The following ACSM2B variants were observed in gnomAD, a reference collection of about 807,000 sequenced individuals.
The protein encoded by ACSM2B is acyl-CoA synthetase medium chain family member 2B.
A neutral mutation model predicts 78.6 loss-of-function variants in ACSM2B; 58 were observed. The observed-to-expected ratio is 0.74, with a 90% CI of 0.60 to 0.92. ACSM2B has a LOEUF of 0.92. Among genes scored for constraint, ACSM2B ranks in the 40% least tolerant of loss-of-function variants. The pLI, the probability that ACSM2B is intolerant of heterozygous loss-of-function variation, is 0.00. For synonymous variants in ACSM2B, 257 were observed against 256.8 expected (o/e 1.00, Z -0.01); for missense variants, 688 against 711.2 (o/e 0.97, Z 0.37).
chr16:20,556,366 C>T (rs1567212621), intron 3 of ACSM2B, among the ~76,000 whole-genome samples: 1 of 152,178 alleles, frequency 6.6e-6, no homozygotes, highest in East Asian at 1.9e-4. Context: ...CTTTTGGAGG[C>T]CAAGGAGGGC....
chr16:20,537,489 A>G, intron 13 of ACSM2B, 127 bp from the exon 14 acceptor site: 6 of 992,224 alleles, frequency 6.0e-6, no homozygotes, highest in South Asian at 1.5e-5. Context: ...CGCCCTGTGC[A>G]ATAAGAAGCT....
rs182833074 is a variant in ACSM2B, at chr16:20,540,637, G to A, written c.1629+17C>T. The A allele has an allele frequency of 3.1e-6, 5 of 1,611,952 alleles. No homozygotes were observed. Among genetic ancestry groups the A allele is most frequent in the Non-Finnish European group, 4.2e-6 (5 of 1,178,800 alleles). ...TATTTCTCAAGTTTGAGTGACTTGG[G>A]AGCTCAAAGGCCTTACCTTTCTTGG... On this transcript the variant is annotated intron_variant, in intron 13 of 13. Coordinates refer to ENST00000329697, the MANE Select transcript of ACSM2B (RefSeq NM_001105069.2).
At chr16:20,570,923 C>A (rs905698868) in intron 1 of ACSM2B, among the ~76,000 whole-genome samples, 19 of 151,542 alleles carry the variant, frequency 1.3e-4, no homozygotes, top group Non-Finnish European at 2.8e-4. Context: ...TAATATCTCC[C>A]ATTTCCTTTC....
chr16:20,547,621 G>A (rs1241637171), intron 8 of ACSM2B: 1 of 1,004,180 alleles, frequency 1.0e-6, no homozygotes, highest in Admixed American at 5.2e-5. Context: ...GCCATGGTGG[G>A]TTCTTCTTCC....
rs1240845190 is a variant in ACSM2B at position 20,546,447 on chromosome 16, T to C, written c.1126A>G (p.Met376Val). ...TGLTCMVSKTMKIKPGYMGTA... is the reference protein window; with the variant it reads ...TGLTCMVSKTVKIKPGYMGTA... The stretch of plus-strand genomic sequence containing the variant: ...CCCATGTATCCTGGTTTGATTTTCA[T>C]TGTCTTGGAAACCATGCAAGTTAAT... Residue 376 changes from methionine to valine, a missense_variant, in exon 9 of 14, where the codon ATG (methionine) becomes GTG (valine). Physicochemically the swap from Met to Val is conservative, Grantham distance 21. Coordinates refer to ENST00000329697, the MANE Select transcript of ACSM2B (RefSeq NM_001105069.2). 7.5e-6 allele frequency: 12 copies of C among 1,609,468 alleles called. No individual in the cohort carries two copies. The highest frequency in any genetic ancestry group is 2.2e-5 in the East Asian group (1 of 44,810).
chr16:20,564,935 C>T, intron 1 of ACSM2B, 82 bp from the exon 2 acceptor site: 1 of 1,510,236 alleles, frequency 6.6e-7, no homozygotes, highest in Non-Finnish European at 8.8e-7. Context: ...GGAGATTCAT[C>T]CCAACCTTAT....
chr16:20,545,068 T>G, intron 10 of ACSM2B, 89 bp downstream of exon 10: 1 of 1,455,186 alleles, frequency 6.9e-7, no homozygotes. Context: ...TAATGCCTCT[T>G]GGAAGTTTCA....
intron 1 of ACSM2B, among the ~76,000 whole-genome samples, chr16:20,566,716 T>TACTATATATACTATATAC (rs1208546372): frequency 8.0e-5 from 2 of 24,882 alleles, no homozygotes; most frequent in African/African-American, 5.9e-4. Flanking sequence ...ATAGTATATA[T>TACTATATATACTATATAC]AGTATATACT....
chr16:20,540,976 T>C, intron 12 of ACSM2B: 1 of 623,028 alleles, frequency 1.6e-6, no homozygotes, highest in Non-Finnish European at 2.5e-6. Flanking sequence ...GAGGAGCAGG[T>C]GGACAATAGA....
intron 1 of ACSM2B, among the ~76,000 whole-genome samples, chr16:20,567,266 TATAATATATAATATGTAGC>T (rs1191862761): frequency 3.2e-5 from 4 of 126,848 alleles, no homozygotes; most frequent in South Asian, 4.4e-4. Context: ...TAATATATAG[TATAATATATAATATGTAGC>T]ATAATATATA....
intron 9 of ACSM2B, 46 bp from the exon 10 acceptor site, chr16:20,545,304 T>C: frequency 2.5e-6 from 4 of 1,585,246 alleles, no homozygotes; most frequent in East Asian, 2.3e-5. Context: ...CAGCAGGAGA[T>C]GGCTTCAATG....
Position 20,537,182 on chromosome 16 carries a change from C to T in ACSM2B, c.*76G>A. The T allele has an allele frequency of 6.5e-7, 1 of 1,537,772 alleles. No individual in the cohort carries two copies. Among genetic ancestry groups the T allele is most frequent in the East Asian group, 2.3e-5 (1 of 44,280 alleles). On this transcript the variant is annotated 3_prime_UTR_variant, in exon 14 of 14. Transcript: ENST00000329697. Reference sequence around the variant, plus strand: ...TCTTTCATAAAGAATCTCATATCATCATAGTAAGGCCAAGGGCCCAAAGGG... The same window carrying T: ...TCTTTCATAAAGAATCTCATATCATTATAGTAAGGCCAAGGGCCCAAAGGG...
chr16:20,543,487 C>G (rs1421960352), intron 10 of ACSM2B, among the ~76,000 whole-genome samples: 1 of 152,234 alleles, frequency 6.6e-6, no homozygotes, highest in African/African-American at 2.4e-5. Context: ...AGCTACTCCT[C>G]TAGGTCCAGT....
At chr16:20,544,870 G>C (rs931463608) in intron 10 of ACSM2B, 1 of 1,114,032 alleles carries the variant, frequency 9.0e-7, no homozygotes, top group Admixed American at 4.4e-5. Context: ...GCTGTGTATA[G>C]TTCAGGGTCA....
chr16:20,552,918 G>A (rs1423320418), intron 5 of ACSM2B, among the ~76,000 whole-genome samples: 2 of 152,130 alleles, frequency 1.3e-5, no homozygotes, highest in East Asian at 3.9e-4. Flanking sequence ...GCTCTGTAGG[G>A]AAATTAGGTC....
intron 6 of ACSM2B, among the ~76,000 whole-genome samples, chr16:20,550,892 A>G (rs1432808304): frequency 6.6e-6 from 1 of 152,164 alleles, no homozygotes; most frequent in South Asian, 2.1e-4. Context: ...AATTCCACTT[A>G]TTCTTCCGAA....
chr16:20,554,260 A>G (rs1308409958), intron 4 of ACSM2B: 5 of 461,322 alleles, frequency 1.1e-5, no homozygotes, highest in Non-Finnish European at 2.1e-5. Context: ...TTGCTTAGCA[A>G]GAGCTCAATA....
Position 20,553,738 on chromosome 16 carries a change from G to C in ACSM2B, c.740+39C>G, listed in dbSNP as rs763006837. 2.5e-6 allele frequency: 4 copies of C among 1,599,090 alleles called. No individual in the cohort carries two copies. In the South Asian group the frequency reaches 3.3e-5, roughly 13 times the overall value. On this transcript the variant is annotated intron_variant, in intron 5 of 13. Coordinates refer to ENST00000329697, the MANE Select transcript of ACSM2B (RefSeq NM_001105069.2). ...GAACTCAGAAACGTCTTCATGCCTG[G>C]TCATGCAATTCTCTGTAGAGAGAAA...
intron 2 of ACSM2B, among the ~76,000 whole-genome samples, chr16:20,562,960 C>A (rs71384484): frequency 0.058 from 8,762 of 152,192 alleles, 335 homozygotes; most frequent in Non-Finnish European, 0.083. Context: ...CAGAAACAAA[C>A]TCAGCACTTG....
Sources: gnomAD v4.1 joint callset for allele counts (sites outside exome capture counted in the v4.1 genomes callset) on GRCh38, gnomAD v4.1.1 for gene constraint, MANE v1.5 for transcripts, NCBI Gene and HGNC (gene_info 2026-07-23, HGNC 2026-07-21) for gene names.